Variants in TMEM132D observed in about 807,000 individuals in gnomAD.
The protein encoded by TMEM132D is mature OL transmembrane protein.
TMEM132D carries 21 observed loss-of-function variants against 62.3 expected under a neutral mutation model. That is an observed-to-expected ratio of 0.34 (90% CI 0.24 to 0.49). The LOEUF (loss-of-function observed/expected upper bound fraction) is 0.49. Ranked by LOEUF, TMEM132D falls within the 20% of genes least tolerant of loss-of-function variation. The probability of loss-of-function intolerance (pLI) is 0.99; values close to 1 mark genes in which losing one functional copy is unlikely to be tolerated. For synonymous variants in TMEM132D, 621 were observed against 575.6 expected (o/e 1.08, Z -1.13); for missense variants, 1,346 against 1,402.8 (o/e 0.96, Z 0.65).
At chr12:129,794,091 T>C (rs1871484375) in intron 1 of TMEM132D, among the ~76,000 whole-genome samples, 2 of 151,458 alleles carry the variant, frequency 1.3e-5, no homozygotes, top group African/African-American at 4.9e-5. Context: ...TTTTTTTCTT[T>C]TTTTTAATTT....
intron 4 of TMEM132D, among the ~76,000 whole-genome samples, chr12:129,327,109 C>T (rs1024095391): frequency 6.6e-5 from 10 of 152,214 alleles, no homozygotes; most frequent in Admixed American, 2.6e-4. Flanking sequence ...TCTGATGGAG[C>T]GCACGGCCAT....
At chr12:129,852,343 A>C (rs1873570304) in intron 1 of TMEM132D, 1 of 152,370 alleles carries the variant, frequency 6.6e-6, no homozygotes, top group Non-Finnish European at 1.5e-5. Flanking sequence ...CAGGAGTTTG[A>C]GACCAGCCTG....
intron 5 of TMEM132D, among the ~76,000 whole-genome samples, chr12:129,103,924 C>T (rs146400893): frequency 0.017 from 2,602 of 152,290 alleles, 36 homozygotes; most frequent in Middle Eastern, 0.034. Flanking sequence ...ATTCCATGCT[C>T]GTGGGTAGGA....
At chr12:129,217,399 A>C (rs1879235259) in intron 4 of TMEM132D, among the ~76,000 whole-genome samples, 1 of 152,194 alleles carries the variant, frequency 6.6e-6, no homozygotes, top group Non-Finnish European at 1.5e-5. Context: ...CACAGTGCTT[A>C]ACATCACAGT....
chr12:129,169,846 T>C (rs1207596265), intron 5 of TMEM132D, among the ~76,000 whole-genome samples: 1 of 152,240 alleles, frequency 6.6e-6, no homozygotes, highest in East Asian at 1.9e-4. Context: ...CTTCCACTAT[T>C]CTACCTTTTA....
intron 1 of TMEM132D, among the ~76,000 whole-genome samples, chr12:129,763,489 A>G (rs1221161488): frequency 6.7e-6 from 1 of 149,144 alleles, no homozygotes; most frequent in Non-Finnish European, 1.5e-5. Context: ...GGCACTTGGA[A>G]CGCCAATAAT....
At chr12:129,226,572 C>T (rs1879486182) in intron 4 of TMEM132D, among the ~76,000 whole-genome samples, 1 of 152,206 alleles carries the variant, frequency 6.6e-6, no homozygotes, top group Admixed American at 6.5e-5. Context: ...CACACCTAAG[C>T]CAGAGGGCGA....
intron 5 of TMEM132D, among the ~76,000 whole-genome samples, chr12:129,201,955 CAG>C (rs1223010325): frequency 6.6e-6 from 1 of 151,720 alleles, no homozygotes; most frequent in African/African-American, 2.4e-5. Flanking sequence ...CTGAGAATCA[CAG>C]TGTATATTAT....
At chr12:129,865,608 T>C (rs1403473063) in intron 1 of TMEM132D, among the ~76,000 whole-genome samples, 1 of 152,222 alleles carries the variant, frequency 6.6e-6, no homozygotes, top group Non-Finnish European at 1.5e-5. Context: ...GTCTGACTTC[T>C]GTATTTTAAG....
At position 129,647,508 on chromosome 12, in the gene TMEM132D, T is replaced by A. The variant is rs142905411; in HGVS notation, c.968+52302A>T. On this transcript the variant is annotated intron_variant, in intron 2 of 8. Coordinates refer to ENST00000422113, the MANE Select transcript of TMEM132D (RefSeq NM_133448.3). ...TCATGGAGGAAGGCTGCCTTCTGCT[T>A]TGCTAGATATTGCCAGATTGCTCTC... Among the ~76,000 whole-genome samples, 709 of 152,262 alleles carry A rather than the reference T, an allele frequency of 4.7e-3. 4 individuals carry two copies. The highest frequency in any genetic ancestry group is 0.016 in the African/African-American group (673 of 41,536).
intron 1 of TMEM132D, among the ~76,000 whole-genome samples, chr12:129,752,099 T>C (rs990748600): frequency 4.6e-5 from 7 of 152,188 alleles, no homozygotes; most frequent in Non-Finnish European, 8.8e-5. Context: ...TGGGAAGATT[T>C]TTTATGGATC....
At chr12:129,079,163 G>A (rs946557379) in intron 7 of TMEM132D, among the ~76,000 whole-genome samples, 2 of 152,160 alleles carry the variant, frequency 1.3e-5, no homozygotes, top group African/African-American at 2.4e-5. Flanking sequence ...CGGGTTGGGT[G>A]TACTGGTTAC....
intron 3 of TMEM132D, among the ~76,000 whole-genome samples, chr12:129,352,775 G>A (rs1869910739): frequency 1.3e-5 from 2 of 152,148 alleles, no homozygotes. Context: ...ATGTTGGCGA[G>A]GCTGTGGAGA....
At chr12:129,758,282 C>T (rs1427012085) in intron 1 of TMEM132D, among the ~76,000 whole-genome samples, 3 of 152,154 alleles carry the variant, frequency 2.0e-5, no homozygotes, top group African/African-American at 7.2e-5. Flanking sequence ...TTCCCTCTGC[C>T]TGGCATGAAG....
intron 1 of TMEM132D, among the ~76,000 whole-genome samples, chr12:129,721,160 G>T (rs11060510): frequency 0.52 from 78,613 of 152,030 alleles, 20,737 homozygotes; most frequent in Middle Eastern, 0.63. Context: ...GGGACATGGG[G>T]CCATGAGGGA....
chr12:129,627,855 C>T (rs75067657), intron 2 of TMEM132D, among the ~76,000 whole-genome samples: 9 of 152,038 alleles, frequency 5.9e-5, no homozygotes, highest in Non-Finnish European at 1.2e-4. Context: ...GGCGTGGTGG[C>T]GCATGCCTGG....
intron 2 of TMEM132D, among the ~76,000 whole-genome samples, chr12:129,626,433 A>G (rs1431428941): frequency 3.3e-5 from 5 of 151,446 alleles, no homozygotes; most frequent in Non-Finnish European, 7.4e-5. Context: ...ATACTACTCA[A>G]TTGTACTTTT....
intron 1 of TMEM132D, among the ~76,000 whole-genome samples, chr12:129,727,994 T>A (rs1869099029): frequency 6.6e-6 from 1 of 152,210 alleles, no homozygotes; most frequent in Non-Finnish European, 1.5e-5. Flanking sequence ...ACCGGCTGTA[T>A]CCAGCTTTTC....
chr12:129,651,520 T>C (rs545078857), intron 2 of TMEM132D, among the ~76,000 whole-genome samples: 1 of 152,232 alleles, frequency 6.6e-6, no homozygotes, highest in East Asian at 1.9e-4. Flanking sequence ...CAAGCAAACA[T>C]GGTACAAATA....
Sources: allele counts gnomAD v4.1 joint callset (sites outside exome capture counted in the v4.1 genomes callset), GRCh38; gene constraint gnomAD v4.1.1; transcripts MANE v1.5; gene names NCBI Gene and HGNC (gene_info 2026-07-23, HGNC 2026-07-21).